The following ANXA11 variants were observed in gnomAD, a reference collection of about 807,000 sequenced individuals.
ANXA11 encodes the protein 56 kDa autoantigen.
ANXA11 carries 57 observed loss-of-function variants against 64.7 expected under a neutral mutation model. The observed-to-expected ratio is 0.88, with a 90% CI of 0.71 to 1.10. The LOEUF (loss-of-function observed/expected upper bound fraction) is 1.10, where lower values mean the gene tolerates loss of function less well. Among genes scored for constraint, ANXA11 ranks in the 50% least tolerant of loss-of-function variants. The pLI, the probability that ANXA11 is intolerant of heterozygous loss-of-function variation, is 0.00. For synonymous variants in ANXA11, 260 were observed against 265.2 expected (o/e 0.98, Z 0.19); for missense variants, 675 against 670.7 (o/e 1.01, Z -0.07).
intron 11 of ANXA11, among the ~76,000 whole-genome samples, chr10:80,162,355 G>A (rs1228648181): frequency 1.3e-5 from 2 of 152,244 alleles, no homozygotes; most frequent in African/African-American, 4.8e-5. Context: ...CCAGAGCCCT[G>A]AGCCCCAGGC....
chr10:80,171,711 C>A (rs1338979448), intron 3 of ANXA11: 1 of 985,520 alleles, frequency 1.0e-6, no homozygotes, highest in Non-Finnish European at 1.2e-6. Flanking sequence ...CGGATCGGCT[C>A]TTCATCTCCA....
chr10:80,170,733 C>G (rs1370540262), intron 4 of ANXA11, 67 bp downstream of exon 4: 2 of 1,273,714 alleles, frequency 1.6e-6, no homozygotes, highest in South Asian at 1.8e-5. Flanking sequence ...CAGAGGCCAG[C>G]AGCTTTGATT....
At chr10:80,190,159 G>T (rs1484288798) in intron 1 of ANXA11, among the ~76,000 whole-genome samples, 3 of 152,234 alleles carry the variant, frequency 2.0e-5, no homozygotes, top group Non-Finnish European at 4.4e-5. Flanking sequence ...GTCAGTTTGG[G>T]AAGATGAGAA....
Position 80,158,892 on chromosome 10 carries a change from G to A in ANXA11, c.1276+208C>T, listed in dbSNP as rs537769310. Among the ~76,000 whole-genome samples, 8 of 152,264 alleles carry A rather than the reference G, an allele frequency of 5.3e-5. No homozygotes were observed. The South Asian group carries it at 1.7e-3, about 32-fold the overall frequency. On this transcript the variant is annotated intron_variant, in intron 13 of 15. Coordinates refer to ENST00000422982, the MANE Select transcript of ANXA11 (RefSeq NM_145868.2). ...AGAGCTGCACCGCAAACACACACAA[G>A]ACACCTCCAGGACAGCTAGGGGTTC...
chr10:80,185,027 A>C (rs188412990), intron 1 of ANXA11, among the ~76,000 whole-genome samples: 2 of 152,258 alleles, frequency 1.3e-5, no homozygotes, highest in East Asian at 3.9e-4. Flanking sequence ...ATCAAATAGG[A>C]TGTATTTGGC....
intron 1 of ANXA11, among the ~76,000 whole-genome samples, chr10:80,184,359 AT>A (rs1286923611): frequency 6.6e-6 from 1 of 152,124 alleles, no homozygotes; most frequent in Non-Finnish European, 1.5e-5. Flanking sequence ...TCGACTTATG[AT>A]TTTTCAACTT....
intron 3 of ANXA11, 122 bp from the exon 4 acceptor site, chr10:80,171,037 C>G: frequency 6.6e-7 from 1 of 1,523,422 alleles, no homozygotes; most frequent in Non-Finnish European, 8.8e-7. Flanking sequence ...CCTCGAGCCT[C>G]GGGACACCAC....
chr10:80,176,562 C>T (rs1343356847), intron 1 of ANXA11, among the ~76,000 whole-genome samples: 3 of 152,218 alleles, frequency 2.0e-5, no homozygotes. Context: ...CATTAAACAA[C>T]TTTTAAAAAG....
chr10:80,174,890 C>T (rs1421166353), intron 2 of ANXA11, among the ~76,000 whole-genome samples: 1 of 152,180 alleles, frequency 6.6e-6, no homozygotes. Flanking sequence ...AAAGAACTTC[C>T]TTAAGGTACC....
Position 80,158,046 on chromosome 10 carries a change from A to G in ANXA11, c.1277-21T>C, listed in dbSNP as rs138858477. 1.7e-4 allele frequency: 272 copies of G among 1,613,328 alleles called. 1 individual carries two copies. The East Asian group carries it at 5.1e-3, about 31-fold the overall frequency. On this transcript the variant is annotated intron_variant, in intron 13 of 15. Coordinates refer to ENST00000422982, the MANE Select transcript of ANXA11 (RefSeq NM_145868.2). ...TTTCACTAGAAGAGAGAAACTCGGC[A>G]TAACCAGATCTGCAGAAAATTCTCA...
In ANXA11 at chr10:80,190,484, A is replaced by T. The variant is rs964099797; in HGVS notation, c.-57-14329T>A. ...AATTATAAATGTTAATTTACAATAA[A>T]TTTTTTTTTTTTTTTTTTTGAGACG... On this transcript the variant is annotated intron_variant, in intron 1 of 15. Coordinates refer to ENST00000422982, the MANE Select transcript of ANXA11 (RefSeq NM_145868.2). 1.9e-4 allele frequency among the ~76,000 whole-genome samples: 24 copies of T among 127,488 alleles called. 1 individual carries two copies. Among genetic ancestry groups the T allele is most frequent in the Admixed American group, 3.3e-4 (4 of 12,282 alleles). 83.6% of individuals were successfully genotyped at this position (127,488 alleles called of 152,430 possible).
At chr10:80,185,152 A>G (rs1846493584) in intron 1 of ANXA11, among the ~76,000 whole-genome samples, 1 of 152,232 alleles carries the variant, frequency 6.6e-6, no homozygotes, top group Non-Finnish European at 1.5e-5. Context: ...CACCTGGTGC[A>G]TGACAGTCAA....
At chr10:80,187,327 T>C (rs1171467763) in intron 1 of ANXA11, among the ~76,000 whole-genome samples, 1 of 152,186 alleles carries the variant, frequency 6.6e-6, no homozygotes, top group Non-Finnish European at 1.5e-5. Context: ...TTCCACCATG[T>C]GGGGACACAG....
chr10:80,185,026 G>A (rs1216837593), intron 1 of ANXA11, among the ~76,000 whole-genome samples: 4 of 152,138 alleles, frequency 2.6e-5, no homozygotes, highest in South Asian at 2.1e-4. Context: ...TATCAAATAG[G>A]ATGTATTTGG....
In ANXA11 at chr10:80,155,590, G is replaced by A. The variant is rs554323812; in HGVS notation, c.*263C>T. The A allele has an allele frequency of 2.0e-6, 1 of 491,398 alleles. No individual in the cohort carries two copies. The highest frequency in any genetic ancestry group is 3.6e-6 in the Non-Finnish European group (1 of 278,060). 30.4% of individuals were successfully genotyped at this position (491,398 alleles called of 1,614,324 possible). A position where few individuals can be genotyped will look rare whatever the true frequency, so the allele number is the denominator to read the frequency against. ...TAGCCACAGGCAAAGGGGAATGATT[G>A]CATGAGTCAGAAAAATGAAACATCT... On this transcript the variant is annotated 3_prime_UTR_variant, in exon 16 of 16. Transcript: ENST00000422982.
At chr10:80,178,639 G>T (rs1046438474) in intron 1 of ANXA11, among the ~76,000 whole-genome samples, 1 of 152,220 alleles carries the variant, frequency 6.6e-6, no homozygotes, top group Non-Finnish European at 1.5e-5. Context: ...CCCCTATAGG[G>T]CTTGTTAAAA....
In ANXA11 at chr10:80,152,147, C is replaced by G. The variant is rs944507512; in HGVS notation, c.*3706G>C. The stretch of plus-strand genomic sequence containing the variant: ...AAAATTCTCTCAGGGCTGAATTCAT[C>G]TGGTGCTTCTATTTTAGAAGTCAGA... On this transcript the variant is annotated 3_prime_UTR_variant, in exon 16 of 16. Coordinates refer to ENST00000422982, the MANE Select transcript of ANXA11 (RefSeq NM_145868.2). 1 of 152,242 alleles carries G rather than the reference C, an allele frequency of 6.6e-6. No homozygotes were observed. Among genetic ancestry groups the G allele is most frequent in the Non-Finnish European group, 1.5e-5 (1 of 68,050 alleles). 9.4% of individuals were successfully genotyped at this position (152,242 alleles called of 1,614,324 possible). A position where few individuals can be genotyped will look rare whatever the true frequency, so the allele number is the denominator to read the frequency against.
chr10:80,181,680 A>C (rs868217541), intron 1 of ANXA11, among the ~76,000 whole-genome samples: 2 of 152,334 alleles, frequency 1.3e-5, no homozygotes, highest in South Asian at 4.1e-4. Context: ...GTGGCAAATA[A>C]GCATATGAAA....
chr10:80,157,806 A>C, intron 14 of ANXA11, 43 bp from the exon 15 acceptor site: 5 of 1,599,376 alleles, frequency 3.1e-6, no homozygotes, highest in Non-Finnish European at 4.3e-6. Flanking sequence ...AGGCCTCCTC[A>C]CCTTCCCACC....
Sources: allele counts gnomAD v4.1 joint callset (sites outside exome capture counted in the v4.1 genomes callset), GRCh38; gene constraint gnomAD v4.1.1; transcripts MANE v1.5; gene names NCBI Gene and HGNC (gene_info 2026-07-23, HGNC 2026-07-21).